KLHL28: variants seen among roughly 807,000 people sequenced by gnomAD.
KLHL28 encodes the protein kelch like family member 28.
In KLHL28, 22 loss-of-function variants were observed where a neutral mutation model predicts 48.3. The ratio of observed to expected loss-of-function variants is 0.46; its 90% CI spans 0.33 to 0.65. KLHL28 has a LOEUF of 0.65. Ranked by LOEUF, KLHL28 falls within the 30% of genes least tolerant of loss-of-function variation. KLHL28 has a pLI of 0.03. For missense variants in KLHL28, 527 were observed against 704.3 expected, an observed-to-expected ratio of 0.75 and a Z score of 2.85; for synonymous variants, 243 against 242.4, an observed-to-expected ratio of 1.00 and a Z score of -0.02.
chr14:44,928,905 C>A lies in KLHL28; in HGVS notation c.*123G>T, dbSNP rs145159377. 8 of 782,322 alleles carry A rather than the reference C, an allele frequency of 1.0e-5. No homozygotes were observed. The highest frequency in any genetic ancestry group is 8.8e-5 in the African/African-American group (5 of 56,652). 48.5% of individuals were successfully genotyped at this position (782,322 alleles called of 1,614,324 possible). A position where few individuals can be genotyped will look rare whatever the true frequency, so the allele number is the denominator to read the frequency against. ...AAAAGTACCCAACAAAACTTTTGAGCCTTCATGCTACTTCAAGTTAAAAAG... is the reference window on the plus strand; with the variant it reads ...AAAAGTACCCAACAAAACTTTTGAGACTTCATGCTACTTCAAGTTAAAAAG... On this transcript the variant is annotated 3_prime_UTR_variant, in exon 5 of 5. Coordinates refer to ENST00000396128, the MANE Select transcript of KLHL28 (RefSeq NM_017658.5).
chr14:44,927,804 T>C lies in KLHL28; in HGVS notation c.*1224A>G, dbSNP rs1445694752. 1 of 152,618 alleles carries C rather than the reference T, an allele frequency of 6.6e-6. No individual in the cohort carries two copies. Among genetic ancestry groups the C allele is most frequent in the Non-Finnish European group, 1.5e-5 (1 of 68,004 alleles). The allele number at this position is 152,618 out of a possible 1,614,324, so 9.5% of individuals were successfully genotyped here. On this transcript the variant is annotated 3_prime_UTR_variant, in exon 5 of 5. Coordinates refer to ENST00000396128, the MANE Select transcript of KLHL28 (RefSeq NM_017658.5). ...AGTAATGCATAACTGCCTAGTGCTTTATATTTAATGCATATATTTCTGTTT... is the reference window on the plus strand; with the variant it reads ...AGTAATGCATAACTGCCTAGTGCTTCATATTTAATGCATATATTTCTGTTT...
At chr14:44,950,936 C>T (rs1198245146) in intron 1 of KLHL28, among the ~76,000 whole-genome samples, 1 of 152,144 alleles carries the variant, frequency 6.6e-6, no homozygotes, top group Admixed American at 6.5e-5. Context: ...CAGGCCAAAG[C>T]CTCACTAATT....
intron 4 of KLHL28, among the ~76,000 whole-genome samples, chr14:44,930,492 G>A (rs1404651656): frequency 6.6e-6 from 1 of 152,020 alleles, no homozygotes; most frequent in African/African-American, 2.4e-5. Flanking sequence ...TTGAACTCCT[G>A]ACCTCAAGTG....
At chr14:44,935,092 T>C (rs560488829) in intron 2 of KLHL28, among the ~76,000 whole-genome samples, 1 of 152,326 alleles carries the variant, frequency 6.6e-6, no homozygotes, top group South Asian at 2.1e-4. Context: ...GTTTATCCAC[T>C]ATAAAATGGA....
At chr14:44,941,129 C>CA (rs983728916) in intron 2 of KLHL28, among the ~76,000 whole-genome samples, 68 of 150,250 alleles carry the variant, frequency 4.5e-4, no homozygotes, top group Middle Eastern at 3.5e-3. Flanking sequence ...TCCAAATAAA[C>CA]AAAAAAAAAC....
chr14:44,938,636 C>T (rs1425225041), intron 2 of KLHL28, among the ~76,000 whole-genome samples: 2 of 152,202 alleles, frequency 1.3e-5, no homozygotes, highest in Non-Finnish European at 2.9e-5. Flanking sequence ...TCCCAAAGTG[C>T]TGAGATTACA....
In KLHL28 at chr14:44,928,651, A is replaced by C. The variant is rs1373086395; in HGVS notation, c.*377T>G. On this transcript the variant is annotated 3_prime_UTR_variant, in exon 5 of 5. Transcript: ENST00000396128. ...GCACCTAAAGCATCGCTCATCCTAGAAAATCATGGTTATCAGGGAAGGAGA... is the reference window on the plus strand; with the variant it reads ...GCACCTAAAGCATCGCTCATCCTAGCAAATCATGGTTATCAGGGAAGGAGA... 6.4e-6 allele frequency: 1 copy of C among 155,682 alleles called. No individual in the cohort carries two copies. Among genetic ancestry groups the C allele is most frequent in the African/African-American group, 2.4e-5 (1 of 41,186 alleles). 9.6% of individuals were successfully genotyped at this position (155,682 alleles called of 1,614,324 possible). A position where few individuals can be genotyped will look rare whatever the true frequency, so the allele number is the denominator to read the frequency against.
intron 2 of KLHL28, among the ~76,000 whole-genome samples, chr14:44,935,862 G>C (rs368535199): frequency 1.7e-5 from 1 of 58,856 alleles, no homozygotes; most frequent in Non-Finnish European, 4.3e-5. Flanking sequence ...ATGTATGTAT[G>C]TGTATGTGTA....
At chr14:44,934,855 C>T (rs1459266658) in intron 2 of KLHL28, among the ~76,000 whole-genome samples, 2 of 152,032 alleles carry the variant, frequency 1.3e-5, no homozygotes, top group Admixed American at 6.6e-5. Flanking sequence ...AATTACATTC[C>T]TATATATCTA....
Position 44,933,920 on chromosome 14 carries a change from T to C in KLHL28, c.1343+195A>G, listed in dbSNP as rs543614724. ...TATAGTGAATGAATGTAAAATTTAA[T>C]GAGAGGGATTTGATTGTTAGGTTTG... On this transcript the variant is annotated intron_variant, in intron 3 of 4. Coordinates refer to ENST00000396128, the MANE Select transcript of KLHL28 (RefSeq NM_017658.5). Among the ~76,000 whole-genome samples the C allele has an allele frequency of 3.9e-5, 6 of 152,316 alleles. No homozygotes were observed. The East Asian group carries it at 1.2e-3, about 29-fold the overall frequency.
chr14:44,939,235 T>TC (rs1883970282), intron 2 of KLHL28, among the ~76,000 whole-genome samples: 1 of 151,948 alleles, frequency 6.6e-6, no homozygotes. Flanking sequence ...CCAGGCTGAT[T>TC]CCCCCAAACC....
intron 1 of KLHL28, chr14:44,961,179 T>C (rs982959767): frequency 1.9e-5 from 6 of 319,372 alleles, no homozygotes; most frequent in African/African-American, 1.1e-4. Flanking sequence ...CAGAATTCTC[T>C]TAGAACCATG....
At chr14:44,947,241 C>G (rs1884377608) in intron 1 of KLHL28, among the ~76,000 whole-genome samples, 1 of 152,174 alleles carries the variant, frequency 6.6e-6, no homozygotes, top group Non-Finnish European at 1.5e-5. Context: ...TAGAGTGCTG[C>G]AGCCACAAAC....
At chr14:44,952,500 G>T (rs1198087655) in intron 1 of KLHL28, among the ~76,000 whole-genome samples, 1 of 152,126 alleles carries the variant, frequency 6.6e-6, no homozygotes, top group African/African-American at 2.4e-5. Context: ...AAAAATTACT[G>T]AAAATTATTT....
At chr14:44,941,778 C>T (rs537978805) in intron 2 of KLHL28, among the ~76,000 whole-genome samples, 20 of 152,202 alleles carry the variant, frequency 1.3e-4, no homozygotes, top group Admixed American at 1.3e-3. Flanking sequence ...TTCCTTCCTT[C>T]TTGACACACA....
At chr14:44,942,277 A>G (rs1884133869) in intron 2 of KLHL28, among the ~76,000 whole-genome samples, 1 of 151,990 alleles carries the variant, frequency 6.6e-6, no homozygotes, top group Admixed American at 6.6e-5. Flanking sequence ...CCATTCAAAC[A>G]CCAAATCCTG....
intron 1 of KLHL28, among the ~76,000 whole-genome samples, chr14:44,960,457 A>G (rs555454934): frequency 6.6e-6 from 1 of 152,342 alleles, no homozygotes; most frequent in Admixed American, 6.5e-5. Flanking sequence ...AGAAGTCTAC[A>G]CATTTGAGCT....
intron 3 of KLHL28, among the ~76,000 whole-genome samples, chr14:44,933,846 C>G (rs1330263011): frequency 6.6e-6 from 1 of 152,174 alleles, no homozygotes; most frequent in African/African-American, 2.4e-5. Flanking sequence ...CTAAAGTTGT[C>G]TAACTTCATC....
chr14:44,940,788 A>G (rs1439607631), intron 2 of KLHL28, among the ~76,000 whole-genome samples: 1 of 152,200 alleles, frequency 6.6e-6, no homozygotes, highest in Non-Finnish European at 1.5e-5. Context: ...ATCAATAAGC[A>G]TTCATCTATC....
Sources: gnomAD v4.1 joint callset for allele counts (sites outside exome capture counted in the v4.1 genomes callset) on GRCh38, gnomAD v4.1.1 for gene constraint, MANE v1.5 for transcripts, NCBI Gene and HGNC (gene_info 2026-07-23, HGNC 2026-07-21) for gene names.